Variants in THEMIS observed in about 807,000 individuals in gnomAD.
THEMIS encodes protein THEMIS.
THEMIS carries 37 observed loss-of-function variants against 52.6 expected under a neutral mutation model. That is an observed-to-expected ratio of 0.70 (90% CI 0.54 to 0.93). THEMIS has a LOEUF of 0.93. Among genes scored for constraint, THEMIS ranks in the 40% least tolerant of loss-of-function variants. THEMIS has a pLI of 0.00. For missense variants in THEMIS, 808 were observed against 763.1 expected (o/e 1.06, Z -0.69); for synonymous variants, 292 against 272.7 (o/e 1.07, Z -0.70).
chr6:127,907,577 C>T (rs1781307650), intron 1 of THEMIS, among the ~76,000 whole-genome samples: 1 of 151,590 alleles, frequency 6.6e-6, no homozygotes, highest in African/African-American at 2.4e-5. Flanking sequence ...TGCTAATTTC[C>T]CATAATTTCA....
At chr6:127,786,284 T>C (rs1776946008) in intron 4 of THEMIS, among the ~76,000 whole-genome samples, 1 of 152,206 alleles carries the variant, frequency 6.6e-6, no homozygotes, top group South Asian at 2.1e-4. Context: ...GGCCATCTGT[T>C]ATTGTTCCAA....
At chr6:127,787,266 A>G (rs950045607) in intron 4 of THEMIS, among the ~76,000 whole-genome samples, 6 of 150,772 alleles carry the variant, frequency 4.0e-5, no homozygotes, top group African/African-American at 1.5e-4. Flanking sequence ...TAGCATGCAC[A>G]TGTGTGCACG....
chr6:127,755,361 A>G (rs1328232521), intron 4 of THEMIS, among the ~76,000 whole-genome samples: 1 of 152,228 alleles, frequency 6.6e-6, no homozygotes, highest in Non-Finnish European at 1.5e-5. Context: ...TGAGAAAACA[A>G]CAGAAGAATC....
chr6:127,709,657 A>C lies in THEMIS; in HGVS notation c.*328T>G, dbSNP rs1773907732. On this transcript the variant is annotated 3_prime_UTR_variant, in exon 6 of 6. Coordinates refer to ENST00000368248, the MANE Select transcript of THEMIS (RefSeq NM_001010923.3). ...TCAGACTGGTTTTACTCAGAAACTG[A>C]AATACAGAATTATTTCCCAATTACT... 1 of 221,430 alleles carries C rather than the reference A, an allele frequency of 4.5e-6. No homozygotes were observed. The highest frequency in any genetic ancestry group is 8.8e-6 in the Non-Finnish European group (1 of 114,164). 13.7% of individuals were successfully genotyped at this position (221,430 alleles called of 1,614,324 possible).
rs190852417 is a variant in THEMIS at position 127,841,991 on chromosome 6, T to A, written c.251-12057A>T. On this transcript the variant is annotated intron_variant, in intron 2 of 5. Transcript: ENST00000368248. ...AATTATCTAAAAGGCAGGAGCTCTA[T>A]TTAGGGCTGCTCTGAGTCATGTTTT... Among the ~76,000 whole-genome samples the A allele has an allele frequency of 1.8e-4, 28 of 152,108 alleles. 1 individual carries two copies. The East Asian group carries it at 3.9e-3, about 21-fold the overall frequency.
At chr6:127,799,709 T>TAC (rs994858604) in intron 4 of THEMIS, among the ~76,000 whole-genome samples, 3 of 152,122 alleles carry the variant, frequency 2.0e-5, no homozygotes, top group African/African-American at 7.2e-5. Context: ...CACTCGAACA[T>TAC]ACACACGGAC....
intron 3 of THEMIS, among the ~76,000 whole-genome samples, chr6:127,814,819 A>G (rs1375368165): frequency 6.6e-6 from 1 of 152,170 alleles, no homozygotes; most frequent in Non-Finnish European, 1.5e-5. Context: ...TGTTCCTCAT[A>G]TACCACCCAA....
chr6:127,701,998 T>A, the THEMIS span, among the ~76,000 whole-genome samples: 1 of 152,148 alleles, frequency 6.6e-6, no homozygotes, highest in Non-Finnish European at 1.5e-5. Context: ...TTTTTTAATA[T>A]CCTACTCATT....
intron 4 of THEMIS, among the ~76,000 whole-genome samples, chr6:127,738,232 A>G (rs1775074772): frequency 6.6e-6 from 1 of 152,210 alleles, no homozygotes; most frequent in Non-Finnish European, 1.5e-5. Context: ...AAAAATACTC[A>G]TTACCCAGAG....
intron 4 of THEMIS, among the ~76,000 whole-genome samples, chr6:127,720,614 C>A (rs772900213): frequency 6.6e-6 from 1 of 151,870 alleles, no homozygotes; most frequent in African/African-American, 2.4e-5. Context: ...TCAATTATGG[C>A]CATTCAGGCT....
At chr6:127,809,330 A>G (rs1777822632) in intron 4 of THEMIS, among the ~76,000 whole-genome samples, 1 of 152,164 alleles carries the variant, frequency 6.6e-6, no homozygotes, top group Non-Finnish European at 1.5e-5. Flanking sequence ...GAATATATGA[A>G]AGGATGACTT....
At chr6:127,894,721 T>C (rs1026201946) in intron 1 of THEMIS, among the ~76,000 whole-genome samples, 1 of 151,660 alleles carries the variant, frequency 6.6e-6, no homozygotes, top group African/African-American at 2.4e-5. Flanking sequence ...AAAAATTCCA[T>C]GTTTAGTAGG....
intron 1 of THEMIS, among the ~76,000 whole-genome samples, chr6:127,862,450 T>TTTTTTTTTTTTTTTTG (rs1779838631): frequency 7.6e-6 from 1 of 132,414 alleles, no homozygotes; most frequent in Non-Finnish European, 1.6e-5. Flanking sequence ...TTTTTTTTTT[T>TTTTTTTTTTTTTTTTG]GCTCTGTTGC....
intron 2 of THEMIS, among the ~76,000 whole-genome samples, chr6:127,834,548 C>T (rs1445034697): frequency 6.6e-6 from 1 of 151,968 alleles, no homozygotes; most frequent in East Asian, 1.9e-4. Context: ...CATGTCACTG[C>T]ACTCCAGCCT....
At chr6:127,729,729 C>A (rs1239192892) in intron 4 of THEMIS, among the ~76,000 whole-genome samples, 1 of 152,158 alleles carries the variant, frequency 6.6e-6, no homozygotes, top group Non-Finnish European at 1.5e-5. Context: ...CAAGAGCAAT[C>A]CGCTTACTGC....
intron 1 of THEMIS, among the ~76,000 whole-genome samples, chr6:127,885,455 A>G (rs1049285869): frequency 6.6e-6 from 1 of 152,080 alleles, no homozygotes; most frequent in African/African-American, 2.4e-5. Context: ...TTCACATTGT[A>G]TTATAAATAC....
intron 2 of THEMIS, among the ~76,000 whole-genome samples, chr6:127,852,686 C>T (rs1436118410): frequency 6.6e-6 from 1 of 151,548 alleles, no homozygotes; most frequent in East Asian, 1.9e-4. Context: ...TAAAGAGATG[C>T]TGCTATTAAA....
chr6:127,813,079 C>T lies in THEMIS; in HGVS notation c.1562G>A (p.Arg521Lys). Residue 521 changes from arginine to lysine, a missense_variant, in exon 4 of 6, where the codon AGG becomes AAG. Coordinates refer to ENST00000368248, the MANE Select transcript of THEMIS (RefSeq NM_001010923.3). ...CCTGACTAGAAATGGTTCTGCATCC[C>T]TAGAGAAATTACTAACTAACTGAAC... is the stretch of plus-strand genomic sequence containing the variant. ...MTVQLVSNFS[R>K]DAEPFLVRTL... The T allele has an allele frequency of 1.2e-6, 2 of 1,614,084 alleles. No homozygotes were observed. The highest frequency in any genetic ancestry group is 1.7e-6 in the Non-Finnish European group (2 of 1,180,016).
intron 2 of THEMIS, among the ~76,000 whole-genome samples, chr6:127,835,813 G>A (rs984760061): frequency 6.6e-6 from 1 of 152,156 alleles, no homozygotes; most frequent in Non-Finnish European, 1.5e-5. Flanking sequence ...ATGAGCCTCA[G>A]GTGACCTCTT....
Sources: allele counts gnomAD v4.1 joint callset (sites outside exome capture counted in the v4.1 genomes callset), GRCh38; gene constraint gnomAD v4.1.1; transcripts MANE v1.5; gene names NCBI Gene and HGNC (gene_info 2026-07-23, HGNC 2026-07-21).